Variants in A2ML1 observed in about 807,000 individuals in gnomAD.
A2ML1 encodes alpha-2-macroglobulin like 1.
In A2ML1, 161 loss-of-function variants were observed where a neutral mutation model predicts 181.9. That is an observed-to-expected ratio of 0.89 (90% CI 0.78 to 1.01). The LOEUF (loss-of-function observed/expected upper bound fraction) is 1.01. A2ML1 is among the 50% of genes least tolerant of loss of function. The probability of loss-of-function intolerance (pLI) is 0.00; values close to 1 mark genes in which losing one functional copy is unlikely to be tolerated. For missense variants in A2ML1, 1,670 were observed against 1,768.1 expected (o/e 0.94, Z 1.00); for synonymous variants, 663 against 666.8 (o/e 0.99, Z 0.09).
Position 8,838,382 on chromosome 12 carries a change from T to C in A2ML1, c.902T>C (p.Phe301Ser), listed in dbSNP as rs1380502225. ...TCAGCACCTGTGGACATGGCCACCT[T>C]TGACCTCATTGGATATGCGTACAGC... ...CFSAPVDMAT[F>S]DLIGYAYSHQ... Residue 301 changes from phenylalanine (F) to serine (S), a missense_variant, in exon 9 of 36, where the codon TTT (phenylalanine) becomes TCT (serine). Physicochemically the swap from Phe to Ser is radical, Grantham distance 155. Coordinates refer to ENST00000299698, the MANE Select transcript of A2ML1 (RefSeq NM_144670.6). 23 of 1,613,928 alleles carry C rather than the reference T, an allele frequency of 1.4e-5. No homozygotes were observed. The highest frequency in any genetic ancestry group is 1.6e-5 in the Non-Finnish European group (19 of 1,179,894).
chr12:8,830,083 G>T (rs151297620), intron 4 of A2ML1, among the ~76,000 whole-genome samples: 6 of 152,034 alleles, frequency 3.9e-5, no homozygotes, highest in African/African-American at 4.8e-5. Flanking sequence ...ACAGAGTCTC[G>T]CTCTGTGGCC....
At chr12:8,854,895 CA>C (rs1944010146) in intron 22 of A2ML1, 64 bp downstream of exon 22, 1 of 1,225,792 alleles carries the variant, frequency 8.2e-7, no homozygotes, top group African/African-American at 1.8e-5. Context: ...ATTTTCTTTT[CA>C]TTTTTTTTTT....
At chr12:8,838,871 T>C (rs1006074192) in intron 9 of A2ML1, among the ~76,000 whole-genome samples, 14 of 142,034 alleles carry the variant, frequency 9.9e-5, no homozygotes, top group African/African-American at 3.4e-4. Flanking sequence ...GCCGAGATCG[T>C]GCCACTGCAC....
At chr12:8,839,753 T>TTTGG (rs1398408781) in intron 10 of A2ML1, among the ~76,000 whole-genome samples, 1 of 152,132 alleles carries the variant, frequency 6.6e-6, no homozygotes, top group East Asian at 1.9e-4. Context: ...TTTTGTTTTG[T>TTTGG]TTTGTTTTGT....
chr12:8,832,901 A>G (rs928879821), intron 4 of A2ML1, among the ~76,000 whole-genome samples: 6 of 151,968 alleles, frequency 3.9e-5, no homozygotes, highest in African/African-American at 1.2e-4. Context: ...CCTGATATTA[A>G]CTGACCCTGT....
rs377544468 is a variant in A2ML1, at chr12:8,861,632, C to T, written c.3502+335C>T. On this transcript the variant is annotated intron_variant, in intron 28 of 35. Coordinates refer to ENST00000299698, the MANE Select transcript of A2ML1 (RefSeq NM_144670.6). ...CCTCCCCAGTAGCTGGGACTACAGG[C>T]GCCCACCACCACGCCCGGCGAATTT... 1.6e-4 allele frequency among the ~76,000 whole-genome samples: 24 copies of T among 151,244 alleles called. No individual in the cohort carries two copies. The East Asian group carries it at 2.2e-3, about 14-fold the overall frequency.
downstream of A2ML1, among the ~76,000 whole-genome samples, chr12:8,878,299 G>A (rs1011566368): frequency 6.6e-5 from 10 of 151,922 alleles, no homozygotes; most frequent in South Asian, 1.5e-3. The surrounding 1 kb of genome is among the most constrained non-coding windows in gnomAD (Gnocchi z 4.4). Flanking sequence ...GCAAAACTCC[G>A]TATCTAAATA....
rs1365740830 is a variant in A2ML1 at position 8,864,806 on chromosome 12, C to T, written c.3717+798C>T. Among the ~76,000 whole-genome samples, 3 of 15,210 alleles carry T rather than the reference C, an allele frequency of 2.0e-4. 1 individual carries two copies. The highest frequency in any genetic ancestry group is 2.1e-4 in the African/African-American group (3 of 14,306). 10.0% of individuals were successfully genotyped at this position (15,210 alleles called of 152,430 possible). On this transcript the variant is annotated intron_variant, in intron 29 of 35. Transcript: ENST00000299698. ...AGGATCTGGTTTATAATATAAGAAA[C>T]ATGCAAAAGGTACAACATATCGAAT...
chr12:8,861,641 C>G (rs1032808590), intron 28 of A2ML1, among the ~76,000 whole-genome samples: 1 of 151,518 alleles, frequency 6.6e-6, no homozygotes, highest in Admixed American at 6.6e-5. Context: ...GCGCCCACCA[C>G]CACGCCCGGC....
At chr12:8,864,279 G>A (rs1344110571) in intron 29 of A2ML1, among the ~76,000 whole-genome samples, 2 of 101,122 alleles carry the variant, frequency 2.0e-5, no homozygotes, top group East Asian at 3.2e-4. Context: ...TTGAGAGGCC[G>A]AGGCAGGCGG....
rs184465289 is a variant in A2ML1 at position 8,823,502 on chromosome 12, C to G, written c.246+137C>G. The G allele has an allele frequency of 3.4e-3, 3,787 of 1,130,220 alleles. 8 individuals are homozygous for G. The highest frequency in any genetic ancestry group is 4.3e-3 in the Non-Finnish European group (3,420 of 803,682). The allele number at this position is 1,130,220 out of a possible 1,614,324, so 70.0% of individuals were successfully genotyped here. On this transcript the variant is annotated intron_variant, in intron 2 of 35. Coordinates refer to ENST00000299698, the MANE Select transcript of A2ML1 (RefSeq NM_144670.6). The stretch of plus-strand genomic sequence containing the variant: ...AACCTATTTTTTCTCAACTTAACCT[C>G]AATCCCCGGCTATAACTCACCCACG...
chr12:8,875,277 C>T (rs754950139), intron 35 of A2ML1, among the ~76,000 whole-genome samples: 1 of 151,934 alleles, frequency 6.6e-6, no homozygotes, highest in Non-Finnish European at 1.5e-5. Flanking sequence ...AGAGTTTCAC[C>T]ATGTTGACCA....
intron 24 of A2ML1, 42 bp downstream of exon 24, chr12:8,857,382 C>A (rs769338524): frequency 6.2e-7 from 1 of 1,601,402 alleles, no homozygotes; most frequent in South Asian, 1.1e-5. Context: ...CTCTCCTCCA[C>A]TAGGCCCTAT....
At chr12:8,884,435 C>T (rs1011895746) in intron 7 of A2ML1, among the ~76,000 whole-genome samples, 3 of 151,780 alleles carry the variant, frequency 2.0e-5, no homozygotes, top group South Asian at 2.1e-4. Context: ...TATCCTCCGT[C>T]GAGTAGACTC....
chr12:8,871,813 TACACTCCCCCACCGCCAC>T (rs1356392580), intron 33 of A2ML1, among the ~76,000 whole-genome samples: 1 of 152,004 alleles, frequency 6.6e-6, no homozygotes, highest in African/African-American at 2.4e-5. Context: ...CTTAGATTCT[TACACTCCCCCACCGCCAC>T]ACACACACAC....
In A2ML1 at chr12:8,836,290, A is replaced by G. The variant is rs765561612; in HGVS notation, c.679A>G (p.Lys227Glu). ...PKFKVEVVEP[K>E]ELSTVQESFL... is the part of the protein sequence containing the mutation. Reference sequence around the variant, plus strand: ...GTTTAAGGTGGAAGTGGTGGAACCCAAGGAGTTATCAACGGTGCAGGAATC... The same window carrying G: ...GTTTAAGGTGGAAGTGGTGGAACCCGAGGAGTTATCAACGGTGCAGGAATC... The change falls in exon 7 of 36, where the codon AAG (lysine) becomes GAG (glutamate). Residue 227 changes from lysine to glutamate, a missense_variant. Physicochemically the swap from Lys to Glu is moderately conservative, Grantham distance 56. Coordinates refer to ENST00000299698, the MANE Select transcript of A2ML1 (RefSeq NM_144670.6). The G allele has an allele frequency of 5.6e-6, 9 of 1,613,992 alleles. No homozygotes were observed. The South Asian group carries it at 7.7e-5, about 14-fold the overall frequency.
intron 13 of A2ML1, among the ~76,000 whole-genome samples, 158 bp downstream of exon 13, chr12:8,845,660 A>G (rs899457172): frequency 2.0e-5 from 3 of 151,956 alleles, no homozygotes; most frequent in Non-Finnish European, 4.4e-5. Flanking sequence ...ATCTTGGCTA[A>G]CATGGTGAAA....
At chr12:8,876,967 C>A (rs7309192), downstream of A2ML1, among the ~76,000 whole-genome samples, 1,134 of 152,230 alleles carry the variant, frequency 7.4e-3, 8 homozygotes, top group African/African-American at 0.026. Context: ...TTATGGGGCT[C>A]TGCTCAACCA....
chr12:8,848,016 G>GTGGT, intron 15 of A2ML1, among the ~76,000 whole-genome samples: 1 of 148,904 alleles, frequency 6.7e-6, no homozygotes, highest in Non-Finnish European at 1.5e-5. Context: ...AACTGGGCAT[G>GTGGT]GGCCCATGCC....
Sources: gnomAD v4.1 joint callset for allele counts (sites outside exome capture counted in the v4.1 genomes callset) on GRCh38, gnomAD v4.1.1 for gene constraint, Gnocchi (gnomAD v3.1) non-coding constraint, MANE v1.5 for transcripts, NCBI Gene and HGNC (gene_info 2026-07-23, HGNC 2026-07-21) for gene names.